SEPTIN9: variants seen among roughly 807,000 people sequenced by gnomAD.
The protein encoded by SEPTIN9 is septin-9.
SEPTIN9 carries 13 observed loss-of-function variants against 56.6 expected under a neutral mutation model. The ratio of observed to expected loss-of-function variants is 0.23; its 90% CI spans 0.15 to 0.37. The LOEUF (loss-of-function observed/expected upper bound fraction) is 0.37, where lower values mean the gene tolerates loss of function less well. Among genes scored for constraint, SEPTIN9 ranks in the 10% least tolerant of loss-of-function variants. The probability of loss-of-function intolerance (pLI) is 1.00; values close to 1 mark genes in which losing one functional copy is unlikely to be tolerated. For synonymous variants in SEPTIN9, 332 were observed against 334.1 expected, an observed-to-expected ratio of 0.99 and a Z score of 0.07; for missense variants, 650 against 823.1, an observed-to-expected ratio of 0.79 and a Z score of 2.57.
At chr17:77,299,179 C>T (rs769656195) in intron 1 of SEPTIN9, among the ~76,000 whole-genome samples, 1 of 152,212 alleles carries the variant, frequency 6.6e-6, no homozygotes, top group Non-Finnish European at 1.5e-5. Context: ...GTGTTTTTAT[C>T]TCCCTCCTGG....
intron 2 of SEPTIN9, among the ~76,000 whole-genome samples, chr17:77,308,357 G>T (rs774210577): frequency 3.9e-5 from 6 of 152,226 alleles, no homozygotes; most frequent in African/African-American, 1.2e-4. Flanking sequence ...CAGCCGTCCT[G>T]CCAGGACAAG....
At chr17:77,331,780 C>T (rs1442245601) in intron 2 of SEPTIN9, among the ~76,000 whole-genome samples, 1 of 152,194 alleles carries the variant, frequency 6.6e-6, no homozygotes, top group African/African-American at 2.4e-5. Flanking sequence ...TGCCTCCTTC[C>T]CCGCACAGGC....
chr17:77,461,301 G>C (rs903787994), intron 3 of SEPTIN9, among the ~76,000 whole-genome samples: 2 of 152,014 alleles, frequency 1.3e-5, no homozygotes, highest in Non-Finnish European at 2.9e-5. Context: ...GTGAGACTCT[G>C]TCTCAAAAAA....
At chr17:77,388,810 C>CTTTTTTTTTTT (rs5822196) in intron 2 of SEPTIN9, among the ~76,000 whole-genome samples, 65 of 78,050 alleles carry the variant, frequency 8.3e-4, no homozygotes, top group East Asian at 1.2e-3. Flanking sequence ...GTGTTAGGCG[C>CTTTTTTTTTTT]TTTTTTTTTT....
intron 10 of SEPTIN9, among the ~76,000 whole-genome samples, chr17:77,496,734 T>G (rs942524419): frequency 5.9e-5 from 9 of 152,236 alleles, no homozygotes; most frequent in Non-Finnish European, 1.2e-4. Context: ...CATTGCTGAT[T>G]CTTGAGCTTG....
chr17:77,485,408 T>A (rs2039734322), intron 4 of SEPTIN9, among the ~76,000 whole-genome samples: 1 of 148,842 alleles, frequency 6.7e-6, no homozygotes, highest in African/African-American at 2.5e-5. Flanking sequence ...TGCTGATGAT[T>A]GTGATGACAG....
rs143394641 is a variant in SEPTIN9 at position 77,433,739 on chromosome 17, A to G, written c.721+31036A>G. On this transcript the variant is annotated intron_variant, in intron 3 of 11. Transcript: ENST00000427177. The surrounding 1 kb of genome is among the most constrained non-coding windows in gnomAD (Gnocchi z 6.4). ...CGGGACCTTCTCCTGCACCTCCCGA[A>G]CCCCCGTTCCCTGTGAGTTAGATGG... Among the ~76,000 whole-genome samples the G allele has an allele frequency of 0.01, 1,577 of 151,450 alleles. 32 individuals carry two copies. Among genetic ancestry groups the G allele is most frequent in the African/African-American group, 0.036 (1,489 of 41,236 alleles).
In SEPTIN9 at chr17:77,475,272, G is replaced by A. The variant is rs1013167049; in HGVS notation, c.722-6872G>A. 11 of 1,393,670 alleles carry A rather than the reference G, an allele frequency of 7.9e-6. No individual in the cohort carries two copies. Among genetic ancestry groups the A allele is most frequent in the African/African-American group, 2.9e-5 (2 of 69,124 alleles). 86.3% of individuals were successfully genotyped at this position (1,393,670 alleles called of 1,614,324 possible). A position where few individuals can be genotyped will look rare whatever the true frequency, so the allele number is the denominator to read the frequency against. On this transcript the variant is annotated intron_variant, in intron 3 of 11. Coordinates refer to ENST00000427177, the MANE Select transcript of SEPTIN9 (RefSeq NM_001113491.2). This position sits in a 1 kb window ranked among gnomAD's most constrained non-coding sequence, Gnocchi z 4.6. ...ACCATCGTGGGGAGACTGTCTGGAC[G>A]CAGAGAGCAGGCTCTGTGTGGGAGC... is the stretch of plus-strand genomic sequence containing the variant.
chr17:77,455,635 C>G (rs1237034975), intron 3 of SEPTIN9, among the ~76,000 whole-genome samples: 3 of 152,212 alleles, frequency 2.0e-5, no homozygotes, highest in African/African-American at 7.2e-5. Flanking sequence ...CCTGCACGCC[C>G]CCTCCAAGGG....
At position 77,329,532 on chromosome 17, in the gene SEPTIN9, C is replaced by T. The variant is rs574271644; in HGVS notation, c.76+22335C>T. On this transcript the variant is annotated intron_variant, in intron 2 of 11. Transcript: ENST00000427177. This position sits in a 1 kb window ranked among gnomAD's most constrained non-coding sequence, Gnocchi z 4.3. ...GTTTGGATCCTGGGAAGGTTGGGTA[C>T]CTGGCAGCCTCAAGGCAGGAGCTGG... Among the ~76,000 whole-genome samples, 236 of 152,200 alleles carry T rather than the reference C, an allele frequency of 1.6e-3. 1 individual carries two copies. The highest frequency in any genetic ancestry group is 5.5e-3 in the African/African-American group (227 of 41,542).
intron 2 of SEPTIN9, among the ~76,000 whole-genome samples, chr17:77,352,456 A>C (rs964614367): frequency 4.6e-5 from 7 of 151,946 alleles, no homozygotes; most frequent in Non-Finnish European, 7.4e-5. Context: ...GTCTTCCCTA[A>C]AGTTTCTGGA....
chr17:77,320,458 C>A, intron 2 of SEPTIN9: 1 of 967,214 alleles, frequency 1.0e-6, no homozygotes, highest in Non-Finnish European at 1.7e-6. Context: ...TCATTTTTCA[C>A]AGAAATATTT....
chr17:77,325,478 C>T (rs377341705), intron 2 of SEPTIN9, among the ~76,000 whole-genome samples: 2 of 152,352 alleles, frequency 1.3e-5, no homozygotes, highest in East Asian at 3.9e-4. Context: ...CAGGGAGTCT[C>T]AGCTCCTGCC....
At chr17:77,384,203 G>A (rs2143989190) in intron 2 of SEPTIN9, among the ~76,000 whole-genome samples, 1 of 152,274 alleles carries the variant, frequency 6.6e-6, no homozygotes, top group East Asian at 1.9e-4. Context: ...TCCGTGGCAG[G>A]GTATTAAACT....
chr17:77,379,483 A>G (rs1180209513), intron 2 of SEPTIN9, among the ~76,000 whole-genome samples: 2 of 152,136 alleles, frequency 1.3e-5, no homozygotes, highest in African/African-American at 4.8e-5. Context: ...CAGCCTGGCA[A>G]CCTGTGACCT....
intron 3 of SEPTIN9, among the ~76,000 whole-genome samples, chr17:77,467,613 C>T (rs2144543301): frequency 6.6e-6 from 1 of 152,348 alleles, no homozygotes; most frequent in South Asian, 2.1e-4. Flanking sequence ...CCAGGAAGCC[C>T]ATCCATCCTT....
rs1248011541 is a variant in SEPTIN9 at position 77,319,734 on chromosome 17, C to A, written c.76+12537C>A. The A allele has an allele frequency of 1.9e-6, 2 of 1,070,588 alleles. No individual in the cohort carries two copies. The highest frequency in any genetic ancestry group is 2.3e-6 in the Non-Finnish European group (2 of 882,008). 66.3% of individuals were successfully genotyped at this position (1,070,588 alleles called of 1,614,324 possible). A position where few individuals can be genotyped will look rare whatever the true frequency, so the allele number is the denominator to read the frequency against. On this transcript the variant is annotated intron_variant, in intron 2 of 11. Coordinates refer to ENST00000427177, the MANE Select transcript of SEPTIN9 (RefSeq NM_001113491.2). The surrounding 1 kb of genome is among the most constrained non-coding windows in gnomAD (Gnocchi z 5.3). ...GAACTGGGCTTTTTAAACCCTTAAG[C>A]CCAAGGAAATCGTAGCATCGCGGGA...
At chr17:77,299,073 G>A (rs2031930545) in intron 1 of SEPTIN9, among the ~76,000 whole-genome samples, 1 of 152,216 alleles carries the variant, frequency 6.6e-6, no homozygotes, top group African/African-American at 2.4e-5. Flanking sequence ...ATACTTTGTA[G>A]CTATTATTGG....
At chr17:77,298,872 G>A (rs928995887) in intron 1 of SEPTIN9, among the ~76,000 whole-genome samples, 34 of 152,272 alleles carry the variant, frequency 2.2e-4, no homozygotes, top group African/African-American at 5.8e-4. Flanking sequence ...GGAGTGCAGC[G>A]GTGCAATTGC....
Sources: allele counts gnomAD v4.1 joint callset (sites outside exome capture counted in the v4.1 genomes callset), GRCh38; gene constraint gnomAD v4.1.1; non-coding constraint Gnocchi (gnomAD v3.1); transcripts MANE v1.5; gene names NCBI Gene and HGNC (gene_info 2026-07-23, HGNC 2026-07-21).